The following SLC26A9 variants were observed in gnomAD, a reference collection of about 807,000 sequenced individuals.
SLC26A9 encodes the protein anion transporter/exchanger protein 9.
Under a neutral mutation model 87.1 loss-of-function variants are expected in SLC26A9, and 46 were observed. The observed-to-expected ratio is 0.53, with a 90% CI of 0.42 to 0.67. The LOEUF (loss-of-function observed/expected upper bound fraction) is 0.67, where lower values mean the gene tolerates loss of function less well. SLC26A9 is among the 30% of genes least tolerant of loss of function. The probability of loss-of-function intolerance (pLI) is 0.00; values close to 1 mark genes in which losing one functional copy is unlikely to be tolerated. For synonymous variants in SLC26A9, 437 were observed against 409.1 expected (o/e 1.07, Z -0.82); for missense variants, 927 against 1,018.3 (o/e 0.91, Z 1.22).
Position 205,926,582 on chromosome 1 carries a change from G to A in SLC26A9, c.1342C>T (p.Gln448Ter). 6.2e-7 allele frequency: 1 copy of A among 1,614,158 alleles called. No individual in the cohort carries two copies. The highest frequency in any genetic ancestry group is 8.5e-7 in the Non-Finnish European group (1 of 1,180,020). ...IAVNLKNSLK[Q>*]LTDPYYLWRK... ...CACAGGTAGTAGGGGTCGGTGAGTT[G>A]CTTGAGGGAGTTCTTGAGATTGACA... The change falls in exon 12 of 21, where the codon CAA becomes TAA. Residue 448 changes from glutamine (Q) to a stop codon, truncating the protein, a stop_gained. Coordinates refer to ENST00000367135, the MANE Select transcript of SLC26A9 (RefSeq NM_052934.4). LOFTEE classifies it high-confidence loss of function.
chr1:205,924,232 G>A lies in SLC26A9; in HGVS notation c.1496+151C>T. On this transcript the variant is annotated intron_variant, in intron 13 of 20. Transcript: ENST00000367135. ...AGACTGTGCCCACAGTCCTGGCTGGGTTGGGCTCTCTTTGGGCCTGGCAGC... is the reference window on the plus strand; with the variant it reads ...AGACTGTGCCCACAGTCCTGGCTGGATTGGGCTCTCTTTGGGCCTGGCAGC... 1.1e-5 allele frequency: 7 copies of A among 666,344 alleles called. No individual in the cohort carries two copies. In the South Asian group the frequency reaches 1.4e-4, roughly 13 times the overall value. 41.3% of individuals were successfully genotyped at this position (666,344 alleles called of 1,614,324 possible).
In SLC26A9 at chr1:205,921,614, C is replaced by T. The variant is rs1658833596; in HGVS notation, c.2007G>A (p.Met669Ile). 2 of 1,611,710 alleles carry T rather than the reference C, an allele frequency of 1.2e-6. No homozygotes were observed. The highest frequency in any genetic ancestry group is 1.7e-6 in the Non-Finnish European group (2 of 1,179,298). The change falls in exon 17 of 21, where the codon ATG becomes ATA. Residue 669 changes from methionine (M) to isoleucine (I), a missense_variant. By Grantham distance (10) the Met-to-Ile change is conservative. Coordinates refer to ENST00000367135, the MANE Select transcript of SLC26A9 (RefSeq NM_052934.4). ...FVTFHTLILD[M>I]SGVSFVDLMG... ...TCAAGTCCACGAAGCTGACTCCACT[C>T]ATGTCCAGGATGAGGGTGTGGAAGG... is the stretch of plus-strand genomic sequence containing the variant.
In SLC26A9 at chr1:205,929,328, G is replaced by A. The variant is rs759830571; in HGVS notation, c.746C>T (p.Pro249Leu). The change falls in exon 7 of 21, where the codon CCC becomes CTC. Residue 249 changes from proline (P) to leucine (L), a missense_variant. Pro to Leu is a moderately conservative substitution (Grantham distance 98). Coordinates refer to ENST00000367135, the MANE Select transcript of SLC26A9 (RefSeq NM_052934.4). ...GATGAGCGAGGCGATGTTGGTGTGG[G>A]GGAGGTTTTTGCAAATGTCAATGAA... ...FTFIDICKNLPHTNIASLIFA... is the reference protein window; with the variant it reads ...FTFIDICKNLLHTNIASLIFA... The A allele has an allele frequency of 1.2e-6, 2 of 1,614,078 alleles. No homozygotes were observed. The highest frequency in any genetic ancestry group is 1.7e-6 in the Non-Finnish European group (2 of 1,180,038).
intron 5 of SLC26A9, 85 bp from the exon 6 acceptor site, chr1:205,930,141 TGG>T: frequency 7.0e-7 from 1 of 1,421,842 alleles, no homozygotes; most frequent in South Asian, 1.4e-5. Flanking sequence ...CACGCAGGTC[TGG>T]AGCTCCGTGC....
intron 1 of SLC26A9, among the ~76,000 whole-genome samples, chr1:205,941,004 G>C (rs558272656): frequency 6.6e-6 from 1 of 152,268 alleles, no homozygotes; most frequent in South Asian, 2.1e-4. Flanking sequence ...CTCATCCAGG[G>C]TGGGGGCCAC....
At chr1:205,919,676 G>A (rs886673316) in intron 18 of SLC26A9, among the ~76,000 whole-genome samples, 1 of 152,116 alleles carries the variant, frequency 6.6e-6, no homozygotes, top group Non-Finnish European at 1.5e-5. Flanking sequence ...CTGTGGCCAC[G>A]TCCTTGAGGC....
intron 7 of SLC26A9, 44 bp from the exon 8 acceptor site, chr1:205,928,953 G>A: frequency 6.2e-7 from 1 of 1,605,510 alleles, no homozygotes; most frequent in South Asian, 1.1e-5. Flanking sequence ...CCTAAGGTGG[G>A]GCCAGGGCAG....
intron 9 of SLC26A9, 82 bp downstream of exon 9, chr1:205,927,820 A>G (rs3811424): frequency 0.66 from 1,037,367 of 1,561,874 alleles, 349,445 homozygotes; most frequent in Non-Finnish European, 0.69. Flanking sequence ...CCTCAGCCCA[A>G]TGATCTCCCC....
At chr1:205,930,496 A>T (rs1659260963) in intron 5 of SLC26A9, among the ~76,000 whole-genome samples, 1 of 151,992 alleles carries the variant, frequency 6.6e-6, no homozygotes, top group Admixed American at 6.5e-5. Context: ...CGCCTGCATT[A>T]TTCCTGCCTG....
chr1:205,920,861 G>A (rs967687163), intron 17 of SLC26A9, among the ~76,000 whole-genome samples: 6 of 152,208 alleles, frequency 3.9e-5, no homozygotes, highest in Non-Finnish European at 8.8e-5. Context: ...AAGCTGCAGG[G>A]GAGGATGGAG....
chr1:205,926,632 T>A lies in SLC26A9; in HGVS notation c.1294-2A>T. ...AGCGATCAGGGCTCCTAGCACAGAC[T>A]AGAGAAGCAGAACATTGCTCCAGGA... On this transcript the variant is annotated splice_acceptor_variant, in intron 11 of 20. Coordinates refer to ENST00000367135, the MANE Select transcript of SLC26A9 (RefSeq NM_052934.4). LOFTEE classifies it high-confidence loss of function. 6.2e-7 allele frequency: 1 copy of A among 1,613,662 alleles called. No homozygotes were observed. The highest frequency in any genetic ancestry group is 1.1e-5 in the South Asian group (1 of 91,064).
chr1:205,924,630 T>C (rs1658993247), intron 12 of SLC26A9, 141 bp from the exon 13 acceptor site: 1 of 665,392 alleles, frequency 1.5e-6, no homozygotes, highest in South Asian at 2.0e-5. Context: ...ATAGCATTTT[T>C]TGCAATATTT....
intron 8 of SLC26A9, chr1:205,928,411 G>A: frequency 2.6e-6 from 1 of 380,868 alleles, no homozygotes; most frequent in Non-Finnish European, 4.8e-6. Context: ...AACCCTGCAG[G>A]ACAAGCGTCA....
In SLC26A9 at chr1:205,924,411, C is replaced by A; in HGVS notation, c.1468G>T (p.Val490Phe). ...YGVAVGVAFS[V>F]LVVVFQTQFR... ...TGAGTCTGGAAGACCACGACCAGGA[C>A]GGAGAAGGCGACACCCACTGCCACA... Residue 490 changes from valine (V) to phenylalanine (F), a missense_variant, in exon 13 of 21, where the codon GTC (valine) becomes TTC (phenylalanine). Transcript: ENST00000367135. 1 of 1,614,126 alleles carries A rather than the reference C, an allele frequency of 6.2e-7. No homozygotes were observed. The highest frequency in any genetic ancestry group is 1.7e-5 in the Admixed American group (1 of 60,024).
rs1162155640 is a variant in SLC26A9, at chr1:205,932,721, AC to A, written c.356del (p.Gly119ValfsTer58). The stretch of plus-strand genomic sequence containing the variant: ...CCTTACCTGGCACCATCTGGTGAAC[AC>A]CCCCCAGGAAGAAGTAGGTCAGGAG... ...FPLLTYFFLGGVHQMVPGTFA... is the reference protein window; with the variant it reads ...FPLLTYFFLGXVHQMVPGTFA... On this transcript the variant is annotated frameshift_variant, in exon 4 of 21. Coordinates refer to ENST00000367135, the MANE Select transcript of SLC26A9 (RefSeq NM_052934.4). LOFTEE classifies it high-confidence loss of function. The A allele has an allele frequency of 4.4e-6, 7 of 1,580,884 alleles. No homozygotes were observed. Among genetic ancestry groups the A allele is most frequent in the South Asian group, 3.6e-5 (3 of 83,958 alleles).
chr1:205,933,348 T>C (rs1036988373), intron 2 of SLC26A9, among the ~76,000 whole-genome samples: 1 of 152,186 alleles, frequency 6.6e-6, no homozygotes, highest in African/African-American at 2.4e-5. Context: ...ATGAGTGTTA[T>C]GGTGGCTCAG....
chr1:205,918,961 T>A lies in SLC26A9; in HGVS notation c.2135A>T (p.His712Leu), dbSNP rs771922619. The A allele has an allele frequency of 1.9e-6, 3 of 1,614,190 alleles. No individual in the cohort carries two copies. Among genetic ancestry groups the A allele is most frequent in the Non-Finnish European group, 2.5e-6 (3 of 1,180,016 alleles). Residue 712 changes from histidine to leucine, a missense_variant, in exon 19 of 21, where the codon CAT becomes CTT. His to Leu is a moderately conservative substitution (Grantham distance 99). Coordinates refer to ENST00000367135, the MANE Select transcript of SLC26A9 (RefSeq NM_052934.4). ...IHAQVYNDIS[H>L]GGVFEDGSLE... is the part of the protein sequence containing the mutation. ...ACTCCCATCCTCAAAGACGCCTCCA[T>A]GGCTAATGTCATTGTACACCTGGGC...
chr1:205,933,829 G>A (rs1296328816), intron 2 of SLC26A9, among the ~76,000 whole-genome samples: 4 of 152,136 alleles, frequency 2.6e-5, no homozygotes, highest in East Asian at 1.9e-4. Context: ...ATTGGTCAAC[G>A]CAGGGTGGGG....
At position 205,921,573 on chromosome 1, in the gene SLC26A9, A is replaced by T; in HGVS notation, c.2048T>A (p.Leu683Gln). 1 of 1,608,298 alleles carries T rather than the reference A, an allele frequency of 6.2e-7. No homozygotes were observed. Among genetic ancestry groups the T allele is most frequent in the Non-Finnish European group, 8.5e-7 (1 of 1,179,150 alleles). ...SFVDLMGIKA[L>Q]AKLSSTYGKI... is the part of the protein sequence containing the mutation. Reference sequence around the variant, plus strand: ...TGTTCCCGAGGGCCTCACCTTGGCCAGGGCCTTGATGCCCATCAAGTCCAC... The same window carrying T: ...TGTTCCCGAGGGCCTCACCTTGGCCTGGGCCTTGATGCCCATCAAGTCCAC... The change falls in exon 17 of 21, where the codon CTG (leucine) becomes CAG (glutamine). Residue 683 changes from leucine to glutamine, a missense_variant. Transcript: ENST00000367135.
Sources: allele counts gnomAD v4.1 joint callset (sites outside exome capture counted in the v4.1 genomes callset), GRCh38; gene constraint gnomAD v4.1.1; transcripts MANE v1.5; gene names NCBI Gene and HGNC (gene_info 2026-07-23, HGNC 2026-07-21).